SPDYA: variants seen among roughly 807,000 people sequenced by gnomAD.
SPDYA encodes speedy protein A.
Under a neutral mutation model 36.7 loss-of-function variants are expected in SPDYA, and 11 were observed. The observed-to-expected ratio is 0.30, with a 90% CI of 0.19 to 0.50. SPDYA has a LOEUF of 0.50. Ranked by LOEUF, SPDYA falls within the 20% of genes least tolerant of loss-of-function variation. The pLI, the probability that SPDYA is intolerant of heterozygous loss-of-function variation, is 0.98. For missense variants in SPDYA, 287 were observed against 370.9 expected (o/e 0.77, Z 1.86); for synonymous variants, 115 against 118.7 (o/e 0.97, Z 0.20).
intron 6 of SPDYA, among the ~76,000 whole-genome samples, chr2:28,838,743 G>T (rs1168221953): frequency 1.3e-5 from 2 of 152,114 alleles, no homozygotes; most frequent in Non-Finnish European, 2.9e-5. Flanking sequence ...AGGGCGAGGA[G>T]GGTGGATCAC....
chr2:28,846,524 T>C (rs1558333808), intron 7 of SPDYA, among the ~76,000 whole-genome samples: 2 of 152,166 alleles, frequency 1.3e-5, no homozygotes, highest in Admixed American at 6.6e-5. Context: ...ATGACAGTTT[T>C]CGGTCAGTCT....
In SPDYA at chr2:28,847,113, C is replaced by T. The variant is rs188390242; in HGVS notation, c.851-2737C>T. On this transcript the variant is annotated intron_variant, in intron 7 of 7. Coordinates refer to ENST00000334056, the MANE Select transcript of SPDYA (RefSeq NM_182756.4). The stretch of plus-strand genomic sequence containing the variant: ...ATCCCAGCAGTTTGGGTGGCTGAGT[C>T]GGGTGGATCACCTGAGGTCAGGAGT... Among the ~76,000 whole-genome samples the T allele has an allele frequency of 3.3e-5, 5 of 152,230 alleles. No homozygotes were observed. In the East Asian group the frequency reaches 5.8e-4, roughly 18 times the overall value.
At chr2:28,848,194 A>T (rs142379685) in intron 7 of SPDYA, among the ~76,000 whole-genome samples, 2 of 152,330 alleles carry the variant, frequency 1.3e-5, no homozygotes, top group East Asian at 3.9e-4. Context: ...TACCACCAGA[A>T]TACTCTGCTC....
rs1667854669 is a variant in SPDYA, at chr2:28,811,837, T to C, written c.-93+890T>C. Among the ~76,000 whole-genome samples the C allele has an allele frequency of 6.6e-6, 1 of 151,990 alleles. No individual in the cohort carries two copies. The highest frequency in any genetic ancestry group is 1.5e-5 in the Non-Finnish European group (1 of 67,990). On this transcript the variant is annotated intron_variant, in intron 1 of 7. Transcript: ENST00000334056. The surrounding 1 kb of genome is among the most constrained non-coding windows in gnomAD (Gnocchi z 4.2). The stretch of plus-strand genomic sequence containing the variant: ...CTGGCATGGTGGCGGGCGCCTGTAA[T>C]CCCAGCTCCTCGGGAGGCTGAGGCG...
chr2:28,842,847 A>G (rs1384456465), intron 7 of SPDYA, among the ~76,000 whole-genome samples: 2 of 152,186 alleles, frequency 1.3e-5, no homozygotes, highest in African/African-American at 4.8e-5. Context: ...GGAACACATG[A>G]TGCTACAGGA....
intron 5 of SPDYA, among the ~76,000 whole-genome samples, chr2:28,825,745 AT>A (rs574936704): frequency 4.0e-5 from 6 of 149,344 alleles, no homozygotes; most frequent in South Asian, 2.1e-4. Context: ...GAGGTTCTTA[AT>A]TTTTTTTTTG....
At chr2:28,833,267 C>G (rs1668518928) in intron 6 of SPDYA, among the ~76,000 whole-genome samples, 2 of 152,122 alleles carry the variant, frequency 1.3e-5, no homozygotes, top group Non-Finnish European at 2.9e-5. Flanking sequence ...TGTCATGGTC[C>G]TACATGGTCT....
intron 3 of SPDYA, among the ~76,000 whole-genome samples, chr2:28,816,464 C>T (rs111549572): frequency 4.4e-4 from 67 of 152,038 alleles, no homozygotes; most frequent in South Asian, 1.2e-3. Context: ...AATTCATACT[C>T]ATCTAGCTTC....
rs373806506 is a variant in SPDYA, at chr2:28,819,004, C to T, written c.236-44C>T. 17 of 1,428,518 alleles carry T rather than the reference C, an allele frequency of 1.2e-5. No individual in the cohort carries two copies. In the African/African-American group the frequency reaches 2.3e-4, roughly 19 times the overall value. 88.5% of individuals were successfully genotyped at this position (1,428,518 alleles called of 1,614,324 possible). A position where few individuals can be genotyped will look rare whatever the true frequency, so the allele number is the denominator to read the frequency against. Reference sequence around the variant, plus strand: ...TAGAAATTAATTCTTCAAAAGGAAACATTCTGTTTTTAAAAGACAAGTTAT... The same window carrying T: ...TAGAAATTAATTCTTCAAAAGGAAATATTCTGTTTTTAAAAGACAAGTTAT... On this transcript the variant is annotated intron_variant, in intron 3 of 7. Transcript: ENST00000334056.
Position 28,843,369 on chromosome 2 carries a change from G to T in SPDYA, c.850+2900G>T, listed in dbSNP as rs183813077. Among the ~76,000 whole-genome samples the T allele has an allele frequency of 6.6e-3, 1,006 of 152,130 alleles. 9 individuals are homozygous for T. Among genetic ancestry groups the T allele is most frequent in the African/African-American group, 0.022 (907 of 41,498 alleles). On this transcript the variant is annotated intron_variant, in intron 7 of 7. Coordinates refer to ENST00000334056, the MANE Select transcript of SPDYA (RefSeq NM_182756.4). Reference sequence around the variant, plus strand: ...GTTCCAGACCAGCCTGGCCAACATGGTAAAACCCTGTCTCTATTAAAAATA... The same window carrying T: ...GTTCCAGACCAGCCTGGCCAACATGTTAAAACCCTGTCTCTATTAAAAATA...
At chr2:28,837,020 C>T (rs1445186828) in intron 6 of SPDYA, among the ~76,000 whole-genome samples, 1 of 152,142 alleles carries the variant, frequency 6.6e-6, no homozygotes, top group Non-Finnish European at 1.5e-5. Flanking sequence ...CAAGATGCCA[C>T]AATATCATCA....
In SPDYA at chr2:28,815,628, G is replaced by A. The variant is rs147915311; in HGVS notation, c.-18-369G>A. 7.0e-3 allele frequency among the ~76,000 whole-genome samples: 1,065 copies of A among 152,114 alleles called. 9 individuals are homozygous for A. The highest frequency in any genetic ancestry group is 0.024 in the African/African-American group (1,012 of 41,494). ...TATAACAACAATATAATAAAATTATGTCAATTCAAGCAGAATAGAAAAAAT... is the reference window on the plus strand; with the variant it reads ...TATAACAACAATATAATAAAATTATATCAATTCAAGCAGAATAGAAAAAAT... On this transcript the variant is annotated intron_variant, in intron 2 of 7. Coordinates refer to ENST00000334056, the MANE Select transcript of SPDYA (RefSeq NM_182756.4).
At chr2:28,843,367 T>C (rs767432532) in intron 7 of SPDYA, among the ~76,000 whole-genome samples, 1 of 152,034 alleles carries the variant, frequency 6.6e-6, no homozygotes, top group East Asian at 1.9e-4. Flanking sequence ...CTGGCCAACA[T>C]GGTAAAACCC....
At chr2:28,848,188 A>G (rs1186737585) in intron 7 of SPDYA, among the ~76,000 whole-genome samples, 3 of 152,194 alleles carry the variant, frequency 2.0e-5, no homozygotes. Flanking sequence ...GAAATATACC[A>G]CCAGAATACT....
At chr2:28,813,289 T>A (rs1183829469) in intron 1 of SPDYA, among the ~76,000 whole-genome samples, 2 of 152,208 alleles carry the variant, frequency 1.3e-5, no homozygotes, top group African/African-American at 2.4e-5. Context: ...TTTTACCTTT[T>A]TGATTGATAG....
At chr2:28,822,255 A>G (rs1000034166) in intron 4 of SPDYA, 70 bp from the exon 5 acceptor site, 48 of 637,776 alleles carry the variant, frequency 7.5e-5, no homozygotes, top group Non-Finnish European at 1.1e-4. Context: ...TTTTAAAGTT[A>G]ACTATTTTAA....
chr2:28,823,539 G>A (rs1414393698), intron 5 of SPDYA, among the ~76,000 whole-genome samples: 12 of 147,904 alleles, frequency 8.1e-5, no homozygotes, highest in African/African-American at 1.5e-4. Flanking sequence ...CAGGAGAATC[G>A]CTTGAACCCG....
chr2:28,849,360 C>T (rs1182941460), intron 7 of SPDYA, among the ~76,000 whole-genome samples: 1 of 152,118 alleles, frequency 6.6e-6, no homozygotes, highest in African/African-American at 2.4e-5. Flanking sequence ...GGCACAGTCG[C>T]AGCTCACTGC....
chr2:28,835,617 T>C (rs1483952948), intron 6 of SPDYA, among the ~76,000 whole-genome samples: 1 of 152,214 alleles, frequency 6.6e-6, no homozygotes, highest in African/African-American at 2.4e-5. Context: ...ACTGATCAAA[T>C]GAATGGAACT....
Sources: allele counts gnomAD v4.1 joint callset (sites outside exome capture counted in the v4.1 genomes callset), GRCh38; gene constraint gnomAD v4.1.1; non-coding constraint Gnocchi (gnomAD v3.1); transcripts MANE v1.5; gene names NCBI Gene and HGNC (gene_info 2026-07-23, HGNC 2026-07-21).